Variants in PRDM5 observed in about 807,000 individuals in gnomAD.
The protein encoded by PRDM5 is PR domain zinc finger protein 5.
PRDM5 carries 56 observed loss-of-function variants against 81.2 expected under a neutral mutation model. The observed-to-expected ratio is 0.69, with a 90% CI of 0.56 to 0.86. The LOEUF (loss-of-function observed/expected upper bound fraction) is 0.86, where lower values mean the gene tolerates loss of function less well. PRDM5 is among the 40% of genes least tolerant of loss of function. The probability of loss-of-function intolerance (pLI) is 0.00; values close to 1 mark genes in which losing one functional copy is unlikely to be tolerated. For missense variants in PRDM5, 697 were observed against 770.1 expected, an observed-to-expected ratio of 0.91 and a Z score of 1.12; for synonymous variants, 267 against 256.4, an observed-to-expected ratio of 1.04 and a Z score of -0.39.
intron 13 of PRDM5, among the ~76,000 whole-genome samples, chr4:120,774,902 A>ATATATGTATATG (rs774292900): frequency 0.17 from 25,378 of 145,888 alleles, 2,745 homozygotes; most frequent in Non-Finnish European, 0.24. Flanking sequence ...ATATATATAT[A>ATATATGTATATG]TATATGTATA....
intron 8 of PRDM5, among the ~76,000 whole-genome samples, chr4:120,807,084 C>A (rs918331744): frequency 3.9e-5 from 6 of 152,300 alleles, no homozygotes; most frequent in African/African-American, 1.4e-4. Flanking sequence ...ATGTAGCCAA[C>A]AGACACATGA....
intron 8 of PRDM5, among the ~76,000 whole-genome samples, chr4:120,803,489 C>CAG (rs1229734888): frequency 1.3e-5 from 2 of 152,200 alleles, no homozygotes; most frequent in Non-Finnish European, 2.9e-5. Context: ...GAAAGCCCAT[C>CAG]AGACTAACAG....
At chr4:120,789,232 C>G (rs989007416) in intron 10 of PRDM5, among the ~76,000 whole-genome samples, 2 of 152,170 alleles carry the variant, frequency 1.3e-5, no homozygotes, top group Non-Finnish European at 2.9e-5. Context: ...TACATAAAAT[C>G]TGTTGCACTA....
In PRDM5 at chr4:120,814,177, G is replaced by A. The variant is rs1754201491; in HGVS notation, c.865+2276C>T. ...CCATGGAATCTAAGCAAAAGGGAAAGATGGGAAGTGACGGAGGAGCTTAGC... is the reference window on the plus strand; with the variant it reads ...CCATGGAATCTAAGCAAAAGGGAAAAATGGGAAGTGACGGAGGAGCTTAGC... On this transcript the variant is annotated intron_variant, in intron 7 of 15. Coordinates refer to ENST00000264808, the MANE Select transcript of PRDM5 (RefSeq NM_018699.4). 2.6e-5 allele frequency among the ~76,000 whole-genome samples: 4 copies of A among 152,316 alleles called. No homozygotes were observed. The South Asian group carries it at 8.3e-4, about 32-fold the overall frequency.
intron 2 of PRDM5, among the ~76,000 whole-genome samples, chr4:120,856,863 T>C (rs1276842933): frequency 1.3e-5 from 2 of 152,230 alleles, no homozygotes; most frequent in Non-Finnish European, 2.9e-5. Context: ...AGACTTAGTC[T>C]TCCAAATACC....
downstream of PRDM5, among the ~76,000 whole-genome samples, chr4:120,689,834 C>T (rs939042650): frequency 2.6e-5 from 4 of 151,946 alleles, no homozygotes; most frequent in East Asian, 1.9e-4. Context: ...AGGCTGTTGT[C>T]GAACTCCTGG....
chr4:120,876,694 A>G (rs1465785181), intron 2 of PRDM5, among the ~76,000 whole-genome samples: 3 of 152,240 alleles, frequency 2.0e-5, no homozygotes, highest in Non-Finnish European at 2.9e-5. Context: ...AAAATTTTAT[A>G]AGCTTTATTT....
Position 120,812,958 on chromosome 4 carries a change from T to C in PRDM5, c.866-1509A>G, listed in dbSNP as rs570225335. Reference sequence around the variant, plus strand: ...TTAATTCTTTTACATTTCAACAGAATATTTTATTTAATCAGCTGGGTTTTT... The same window carrying C: ...TTAATTCTTTTACATTTCAACAGAACATTTTATTTAATCAGCTGGGTTTTT... On this transcript the variant is annotated intron_variant, in intron 7 of 15. Coordinates refer to ENST00000264808, the MANE Select transcript of PRDM5 (RefSeq NM_018699.4). 1.3e-4 allele frequency: 21 copies of C among 161,344 alleles called. No homozygotes were observed. The East Asian group carries it at 3.7e-3, about 28-fold the overall frequency. The allele number at this position is 161,344 out of a possible 1,614,324, so 10.0% of individuals were successfully genotyped here.
intron 7 of PRDM5, chr4:120,812,634 A>G (rs1244429722): frequency 1.3e-5 from 2 of 157,204 alleles, no homozygotes; most frequent in Non-Finnish European, 1.4e-5. Flanking sequence ...TTTTTTTCCT[A>G]TTGAGTTGTT....
chr4:120,839,560 G>T (rs1757752586), intron 3 of PRDM5, among the ~76,000 whole-genome samples: 2 of 152,182 alleles, frequency 1.3e-5, no homozygotes, highest in African/African-American at 4.8e-5. Context: ...ACAGGCCTCG[G>T]AGGGGAGGAA....
chr4:120,831,110 T>C (rs1291990924), intron 3 of PRDM5, among the ~76,000 whole-genome samples: 4 of 152,098 alleles, frequency 2.6e-5, no homozygotes, highest in African/African-American at 9.7e-5. Context: ...AAAAATAAGT[T>C]ATCAATATTG....
intron 14 of PRDM5, among the ~76,000 whole-genome samples, chr4:120,752,077 CA>C (rs889322455): frequency 3.3e-5 from 5 of 152,096 alleles, no homozygotes; most frequent in African/African-American, 9.7e-5. Context: ...TGGAGTCTTA[CA>C]AAATGCAAAT....
chr4:120,839,185 T>G (rs1202621535), intron 3 of PRDM5: 1 of 699,666 alleles, frequency 1.4e-6, no homozygotes, highest in African/African-American at 1.7e-5. Context: ...TTCTCTTCAC[T>G]CGCAATGTGG....
chr4:120,763,179 G>GA (rs550083891), intron 13 of PRDM5, among the ~76,000 whole-genome samples: 3 of 152,096 alleles, frequency 2.0e-5, no homozygotes, highest in Non-Finnish European at 4.4e-5. Context: ...TGGGAAGAAG[G>GA]AAAAAAACAG....
chr4:120,844,339 T>C (rs1428229049), intron 3 of PRDM5, among the ~76,000 whole-genome samples: 4 of 152,200 alleles, frequency 2.6e-5, no homozygotes, highest in Admixed American at 6.5e-5. Flanking sequence ...TTGTGCTTCA[T>C]AGACATTGCA....
At chr4:120,865,645 C>G (rs544669563) in intron 2 of PRDM5, among the ~76,000 whole-genome samples, 1 of 152,314 alleles carries the variant, frequency 6.6e-6, no homozygotes, top group East Asian at 1.9e-4. Context: ...TAGCCCAGAT[C>G]TCTGCCAACT....
At chr4:120,711,223 G>C (rs547368966) in intron 14 of PRDM5, among the ~76,000 whole-genome samples, 2 of 152,184 alleles carry the variant, frequency 1.3e-5, no homozygotes, top group Non-Finnish European at 2.9e-5. Context: ...GGAATTCCTA[G>C]AAATAAAAAC....
At chr4:120,847,994 T>C (rs1476250678) in intron 3 of PRDM5, among the ~76,000 whole-genome samples, 1 of 152,192 alleles carries the variant, frequency 6.6e-6, no homozygotes, top group Non-Finnish European at 1.5e-5. Context: ...TTCTGAAATT[T>C]TACTACAGTG....
intron 8 of PRDM5, among the ~76,000 whole-genome samples, chr4:120,805,890 T>G (rs995334910): frequency 6.6e-6 from 1 of 152,054 alleles, no homozygotes. Context: ...GGTATTCAAT[T>G]AGGAAAAGAG....
Sources: gnomAD v4.1 joint callset for allele counts (sites outside exome capture counted in the v4.1 genomes callset) on GRCh38, gnomAD v4.1.1 for gene constraint, MANE v1.5 for transcripts, NCBI Gene and HGNC (gene_info 2026-07-23, HGNC 2026-07-21) for gene names.